TRPM3: variants seen among roughly 807,000 people sequenced by gnomAD.
The protein encoded by TRPM3 is transient receptor potential cation channel subfamily M member 3, also known as long transient receptor potential channel 3.
A neutral mutation model predicts 181.2 loss-of-function variants in TRPM3; 77 were observed. The observed-to-expected ratio is 0.42, with a 90% CI of 0.35 to 0.51. TRPM3 has a LOEUF of 0.51. Among genes scored for constraint, TRPM3 ranks in the 20% least tolerant of loss-of-function variants. The pLI is 0.01. For synonymous variants in TRPM3, 745 were observed against 796.4 expected (o/e 0.94, Z 1.09); for missense variants, 1,759 against 2,196.7 (o/e 0.80, Z 3.98).
chr9:71,429,209 C>A (rs1344213549), intron 1 of TRPM3, among the ~76,000 whole-genome samples: 2 of 152,120 alleles, frequency 1.3e-5, no homozygotes, highest in African/African-American at 4.8e-5. Context: ...GCTCACCTGT[C>A]AATCTTTGCT....
At chr9:70,572,485 A>G (rs2052704578) in intron 22 of TRPM3, among the ~76,000 whole-genome samples, 1 of 152,008 alleles carries the variant, frequency 6.6e-6, no homozygotes, top group Non-Finnish European at 1.5e-5. Flanking sequence ...AGGATCCTAC[A>G]TTGTGTTTTA....
Position 70,900,371 on chromosome 9 carries a change from C to CA in TRPM3, c.178-35861dup, listed in dbSNP as rs372645849. Among the ~76,000 whole-genome samples the CA allele has an allele frequency of 5.9e-3, 863 of 147,104 alleles. 4 individuals carry two copies. The highest frequency in any genetic ancestry group is 8.7e-3 in the Non-Finnish European group (575 of 66,142). On this transcript the variant is annotated intron_variant, in intron 1 of 25. Transcript: ENST00000677713. ...CAAAACAAAACAAACAAACAAACAACAAAAAAAAACTTATTACAGAGATTA... is the reference window on the plus strand; with the variant it reads ...CAAAACAAAACAAACAAACAAACAACAAAAAAAAAACTTATTACAGAGATTA...
At chr9:71,356,446 T>C (rs544253753) in intron 1 of TRPM3, among the ~76,000 whole-genome samples, 1 of 152,292 alleles carries the variant, frequency 6.6e-6, no homozygotes, top group South Asian at 2.1e-4. Context: ...CAGAAGTTAC[T>C]GTCTCTATGC....
intron 1 of TRPM3, among the ~76,000 whole-genome samples, chr9:71,321,568 T>C (rs533724036): frequency 1.2e-4 from 19 of 152,168 alleles, no homozygotes; most frequent in African/African-American, 4.3e-4. Context: ...AAACAAAAAA[T>C]AAACAGGGTT....
At chr9:71,338,181 C>T (rs1219108660) in intron 1 of TRPM3, among the ~76,000 whole-genome samples, 1 of 151,902 alleles carries the variant, frequency 6.6e-6, no homozygotes, top group Non-Finnish European at 1.5e-5. Context: ...CCTTTTTGAA[C>T]CTTTGTTTAC....
chr9:70,920,388 T>C (rs934609118), intron 1 of TRPM3, among the ~76,000 whole-genome samples: 5 of 152,074 alleles, frequency 3.3e-5, no homozygotes, highest in South Asian at 2.1e-4. Flanking sequence ...GGTAATGACA[T>C]AGAAATAATG....
chr9:71,277,229 C>A (rs1039699859), intron 1 of TRPM3, among the ~76,000 whole-genome samples: 4 of 152,112 alleles, frequency 2.6e-5, no homozygotes, highest in African/African-American at 9.7e-5. Flanking sequence ...AAGGAAGACG[C>A]AACTGAAATG....
At chr9:70,666,938 C>T (rs2134002936) in intron 9 of TRPM3, among the ~76,000 whole-genome samples, 1 of 151,238 alleles carries the variant, frequency 6.6e-6, no homozygotes, top group Non-Finnish European at 1.5e-5. Flanking sequence ...ATTTTTAATC[C>T]CCCAAAACTC....
chr9:71,287,702 A>G (rs1378678063), intron 1 of TRPM3, among the ~76,000 whole-genome samples: 1 of 151,844 alleles, frequency 6.6e-6, no homozygotes, highest in East Asian at 1.9e-4. Flanking sequence ...TGCACTGTAT[A>G]TATCAATTGA....
intron 1 of TRPM3, among the ~76,000 whole-genome samples, chr9:71,035,062 C>T (rs2132811675): frequency 6.6e-6 from 1 of 152,146 alleles, no homozygotes. Context: ...TTGGAAATTC[C>T]AGCCCAATTC....
intron 9 of TRPM3, among the ~76,000 whole-genome samples, chr9:70,643,542 T>G (rs1426046742): frequency 6.6e-6 from 1 of 152,188 alleles, no homozygotes; most frequent in East Asian, 1.9e-4. Context: ...CACTCAAGAA[T>G]GGCCGTGGGT....
intron 1 of TRPM3, among the ~76,000 whole-genome samples, chr9:70,985,535 G>A (rs1479925012): frequency 6.6e-6 from 1 of 152,064 alleles, no homozygotes; most frequent in East Asian, 1.9e-4. Flanking sequence ...TTTTTAGTTA[G>A]GTATTTATTA....
intron 1 of TRPM3, among the ~76,000 whole-genome samples, chr9:70,895,047 T>C (rs2096263244): frequency 6.6e-6 from 1 of 152,166 alleles, no homozygotes; most frequent in Admixed American, 6.5e-5. Context: ...AAGATGCTAA[T>C]AGTATCTATC....
intron 1 of TRPM3, chr9:70,917,066 T>C: frequency 6.3e-7 from 1 of 1,596,200 alleles, no homozygotes; most frequent in South Asian, 1.1e-5. Context: ...AAAATAGCAC[T>C]GAGGAAAGCA....
intron 1 of TRPM3, among the ~76,000 whole-genome samples, chr9:71,146,161 G>T (rs2075394768): frequency 6.6e-6 from 1 of 152,274 alleles, no homozygotes; most frequent in South Asian, 2.1e-4. Flanking sequence ...TTATCTTGTA[G>T]ATACTCCTTA....
chr9:70,988,051 T>C (rs928939800), intron 1 of TRPM3, among the ~76,000 whole-genome samples: 1 of 152,310 alleles, frequency 6.6e-6, no homozygotes, highest in African/African-American at 2.4e-5. Flanking sequence ...CTAAATTTTT[T>C]GGTGTTAAAA....
chr9:71,052,637 C>T (rs1314585248), intron 1 of TRPM3, among the ~76,000 whole-genome samples: 1 of 152,076 alleles, frequency 6.6e-6, no homozygotes, highest in Non-Finnish European at 1.5e-5. Context: ...TTGAGACTTG[C>T]TGCCACGTCC....
intron 1 of TRPM3, among the ~76,000 whole-genome samples, chr9:70,963,201 G>A (rs1265245385): frequency 6.6e-6 from 1 of 152,130 alleles, no homozygotes; most frequent in Admixed American, 6.5e-5. Context: ...AAAACAACTG[G>A]GAAGGATAAA....
chr9:71,420,647 AAGAGAAAGAAAAAGAGAAAGAAAG>A (rs2093716537), intron 1 of TRPM3, among the ~76,000 whole-genome samples: 1 of 100,414 alleles, frequency 1.0e-5, no homozygotes. Context: ...AAGAGAGAGA[AAGAGAAAGAAAAAGAGAAAGAAAG>A]AGAGAAAGAA....
Sources: allele counts gnomAD v4.1 joint callset (sites outside exome capture counted in the v4.1 genomes callset), GRCh38; gene constraint gnomAD v4.1.1; transcripts MANE v1.5; gene names NCBI Gene and HGNC (gene_info 2026-07-23, HGNC 2026-07-21).